TGFA: variants seen among roughly 807,000 people sequenced by gnomAD.
TGFA encodes protransforming growth factor alpha.
Under a neutral mutation model 21.7 loss-of-function variants are expected in TGFA, and 12 were observed. The ratio of observed to expected loss-of-function variants is 0.55; its 90% CI spans 0.35 to 0.90. The LOEUF (loss-of-function observed/expected upper bound fraction) is 0.90, where lower values mean the gene tolerates loss of function less well. Ranked by LOEUF, TGFA falls within the 40% of genes least tolerant of loss-of-function variation. The pLI, the probability that TGFA is intolerant of heterozygous loss-of-function variation, is 0.01. For synonymous variants in TGFA, 79 were observed against 88.1 expected, an observed-to-expected ratio of 0.90 and a Z score of 0.58; for missense variants, 178 against 210.8, an observed-to-expected ratio of 0.84 and a Z score of 0.96.
intron 4 of TGFA, among the ~76,000 whole-genome samples, chr2:70,454,517 A>G (rs3821272): frequency 0.24 from 35,847 of 152,150 alleles, 4,584 homozygotes; most frequent in East Asian, 0.3. Flanking sequence ...TTGGTTCCAG[A>G]GCCATCAATG....
intron 1 of TGFA, among the ~76,000 whole-genome samples, chr2:70,516,885 G>C (rs1284574363): frequency 6.6e-6 from 1 of 152,110 alleles, no homozygotes; most frequent in Admixed American, 6.5e-5. Context: ...CCGAACTAAA[G>C]AATTATCTTC....
At chr2:70,470,341 T>G (rs1193256713) in intron 2 of TGFA, among the ~76,000 whole-genome samples, 1 of 152,140 alleles carries the variant, frequency 6.6e-6, no homozygotes, top group Non-Finnish European at 1.5e-5. Context: ...ATGCCAAAGC[T>G]GAGGGACAAA....
chr2:70,516,660 C>A (rs1447965181), intron 1 of TGFA, among the ~76,000 whole-genome samples: 1 of 152,186 alleles, frequency 6.6e-6, no homozygotes, highest in Non-Finnish European at 1.5e-5. Flanking sequence ...GTCACCCACA[C>A]ACCAGTGTTA....
chr2:70,502,976 A>C (rs1231324513), intron 2 of TGFA, among the ~76,000 whole-genome samples: 2 of 152,216 alleles, frequency 1.3e-5, no homozygotes, highest in African/African-American at 4.8e-5. Flanking sequence ...AGAGTGGTTA[A>C]GAAACGGAAC....
chr2:70,492,044 T>G (rs1014523192), intron 2 of TGFA, among the ~76,000 whole-genome samples: 8 of 152,220 alleles, frequency 5.3e-5, no homozygotes, highest in Admixed American at 4.6e-4. Flanking sequence ...GAGCAAGTCA[T>G]GCCTTATATT....
intron 2 of TGFA, among the ~76,000 whole-genome samples, chr2:70,476,109 T>TAAAAAAAAAAAAAAAAA (rs1670926055): frequency 1.3e-5 from 1 of 78,502 alleles, no homozygotes; most frequent in Admixed American, 1.3e-4. Flanking sequence ...AAAAAAAAAT[T>TAAAAAAAAAAAAAAAAA]AAGAAAATTA....
intron 3 of TGFA, among the ~76,000 whole-genome samples, chr2:70,463,312 G>A (rs1225487036): frequency 2.0e-5 from 3 of 152,120 alleles, no homozygotes; most frequent in South Asian, 4.1e-4. Flanking sequence ...TAATAGTAAC[G>A]TGTATGATGT....
intron 2 of TGFA, among the ~76,000 whole-genome samples, chr2:70,514,423 ATT>A (rs11354380): frequency 0.047 from 6,753 of 143,884 alleles, 470 homozygotes; most frequent in African/African-American, 0.16. Flanking sequence ...AAAAATACCG[ATT>A]TTTTTTTTTT....
chr2:70,476,980 C>T (rs147979780), intron 2 of TGFA, among the ~76,000 whole-genome samples: 10 of 151,966 alleles, frequency 6.6e-5, no homozygotes, highest in African/African-American at 1.7e-4. Context: ...TCGAATTATA[C>T]GCAATTATTT....
At chr2:70,547,860 T>G (rs9751592) in intron 1 of TGFA, among the ~76,000 whole-genome samples, 1 of 148,078 alleles carries the variant, frequency 6.8e-6, no homozygotes, top group Non-Finnish European at 1.5e-5. Flanking sequence ...TATATCTATA[T>G]ATAGAGAGAT....
chr2:70,487,526 A>G lies in TGFA; in HGVS notation c.95-21790T>C, dbSNP rs542607068. On this transcript the variant is annotated intron_variant, in intron 2 of 5. Coordinates refer to ENST00000295400, the MANE Select transcript of TGFA (RefSeq NM_003236.4). The stretch of plus-strand genomic sequence containing the variant: ...TTGTAGATAATTTTGGGCATGAAAC[A>G]AAGTTTTGACTGTATTCTAACTGTG... 3.9e-5 allele frequency among the ~76,000 whole-genome samples: 6 copies of G among 152,348 alleles called. No homozygotes were observed. The South Asian group carries it at 1.0e-3, about 26-fold the overall frequency.
At chr2:70,550,848 G>C (rs1673479740) in intron 1 of TGFA, among the ~76,000 whole-genome samples, 1 of 152,110 alleles carries the variant, frequency 6.6e-6, no homozygotes, top group African/African-American at 2.4e-5. Context: ...AAAAACAAAA[G>C]AAAACAAAAC....
chr2:70,550,186 C>T (rs973928161), intron 1 of TGFA, among the ~76,000 whole-genome samples: 7 of 152,306 alleles, frequency 4.6e-5, no homozygotes, highest in African/African-American at 1.7e-4. Flanking sequence ...TCCTTACTTA[C>T]GGGAGTTGCC....
At chr2:70,509,340 T>G (rs1672023350) in intron 2 of TGFA, among the ~76,000 whole-genome samples, 1 of 152,154 alleles carries the variant, frequency 6.6e-6, no homozygotes, top group Non-Finnish European at 1.5e-5. Flanking sequence ...GTTCTACCTG[T>G]TTTCCAAACA....
chr2:70,521,613 G>GTTTTTTTTTTTTT lies in TGFA; in HGVS notation c.41-6702_41-6701insAAAAAAAAAAAAA, dbSNP rs59567780. On this transcript the variant is annotated intron_variant, in intron 1 of 5. Coordinates refer to ENST00000295400, the MANE Select transcript of TGFA (RefSeq NM_003236.4). ...TTGATAGTTTTTTTTGTTGTTGTTT[G>GTTTTTTTTTTTTT]TTTGTTTTTTTTTTTTTTTTTTTTT... Among the ~76,000 whole-genome samples, 199 of 73,976 alleles carry GTTTTTTTTTTTTT rather than the reference G, an allele frequency of 2.7e-3. 9 individuals carry two copies. The highest frequency in any genetic ancestry group is 4.5e-3 in the South Asian group (8 of 1,782). 48.5% of individuals were successfully genotyped at this position (73,976 alleles called of 152,430 possible). A position where few individuals can be genotyped will look rare whatever the true frequency, so the allele number is the denominator to read the frequency against.
intron 1 of TGFA, among the ~76,000 whole-genome samples, chr2:70,519,089 C>T (rs1481258191): frequency 6.6e-6 from 1 of 152,132 alleles, no homozygotes; most frequent in Non-Finnish European, 1.5e-5. Context: ...GGATGAAGAA[C>T]ACGCTCAGGG....
chr2:70,460,535 A>C (rs1670376501), intron 3 of TGFA, among the ~76,000 whole-genome samples: 1 of 152,090 alleles, frequency 6.6e-6, no homozygotes, highest in Admixed American at 6.6e-5. Flanking sequence ...TGCCTCAGGT[A>C]GGCGTTGGTT....
intron 2 of TGFA, among the ~76,000 whole-genome samples, chr2:70,466,531 A>C (rs1255888290): frequency 2.6e-5 from 4 of 152,128 alleles, no homozygotes; most frequent in African/African-American, 9.7e-5. Context: ...CCAAAAAAAC[A>C]AACAAACAAA....
chr2:70,516,610 T>C (rs1291533312), intron 1 of TGFA, among the ~76,000 whole-genome samples: 2 of 152,146 alleles, frequency 1.3e-5, no homozygotes, highest in Admixed American at 6.6e-5. Flanking sequence ...TGCTGTCCAA[T>C]TGATGCTAAT....
Sources: gnomAD v4.1 joint callset for allele counts (sites outside exome capture counted in the v4.1 genomes callset) on GRCh38, gnomAD v4.1.1 for gene constraint, MANE v1.5 for transcripts, NCBI Gene and HGNC (gene_info 2026-07-23, HGNC 2026-07-21) for gene names.